SEMA3E: variants seen among roughly 807,000 people sequenced by gnomAD.
The protein encoded by SEMA3E is semaphorin 3E.
Under a neutral mutation model 93.6 loss-of-function variants are expected in SEMA3E, and 49 were observed. The ratio of observed to expected loss-of-function variants is 0.52; its 90% CI spans 0.42 to 0.66. The LOEUF is 0.66. SEMA3E is among the 30% of genes least tolerant of loss of function. The probability of loss-of-function intolerance (pLI) is 0.00; values close to 1 mark genes in which losing one functional copy is unlikely to be tolerated. For synonymous variants in SEMA3E, 363 were observed against 330.7 expected (o/e 1.10, Z -1.06); for missense variants, 906 against 964.8 (o/e 0.94, Z 0.81).
chr7:83,429,875 T>A (rs1788847476), intron 4 of SEMA3E, among the ~76,000 whole-genome samples: 1 of 152,188 alleles, frequency 6.6e-6, no homozygotes, highest in Non-Finnish European at 1.5e-5. Context: ...AAGAAAATGC[T>A]GTTTAAAAAT....
intron 1 of SEMA3E, among the ~76,000 whole-genome samples, chr7:83,615,683 A>C (rs1309109121): frequency 2.6e-5 from 4 of 152,162 alleles, no homozygotes; most frequent in Non-Finnish European, 5.9e-5. Flanking sequence ...CCTATCACCC[A>C]TACTTTCCCA....
chr7:83,394,075 T>C (rs1326726614), intron 13 of SEMA3E, among the ~76,000 whole-genome samples: 1 of 152,176 alleles, frequency 6.6e-6, no homozygotes, highest in Non-Finnish European at 1.5e-5. Context: ...TATAACACTG[T>C]ACCTATAACC....
At chr7:83,413,726 C>G (rs942341459) in intron 5 of SEMA3E, among the ~76,000 whole-genome samples, 2 of 152,066 alleles carry the variant, frequency 1.3e-5, no homozygotes, top group African/African-American at 2.4e-5. Flanking sequence ...ATGATTAGCA[C>G]TAGCTCTCAA....
chr7:83,594,602 C>T (rs1332249198), intron 1 of SEMA3E, among the ~76,000 whole-genome samples: 2 of 152,040 alleles, frequency 1.3e-5, no homozygotes, highest in African/African-American at 2.4e-5. Context: ...TCTGTCTTTG[C>T]TCCCATATTA....
At chr7:83,540,833 G>A (rs1021108934) in intron 1 of SEMA3E, among the ~76,000 whole-genome samples, 2 of 152,204 alleles carry the variant, frequency 1.3e-5, no homozygotes, top group Admixed American at 1.3e-4. Context: ...TGCATTTAAT[G>A]AGGTTATGAA....
At chr7:83,594,697 T>C (rs1211982582) in intron 1 of SEMA3E, among the ~76,000 whole-genome samples, 1 of 152,088 alleles carries the variant, frequency 6.6e-6, no homozygotes, top group African/African-American at 2.4e-5. Flanking sequence ...CTTTCTAGTA[T>C]CCGTTTCCCC....
intron 4 of SEMA3E, among the ~76,000 whole-genome samples, chr7:83,453,708 T>C (rs1789412998): frequency 1.3e-5 from 2 of 150,536 alleles, no homozygotes; most frequent in South Asian, 4.2e-4. Flanking sequence ...CATAAATGGA[T>C]CAAGAAATTG....
At chr7:83,621,204 GGC>G (rs1793549957) in intron 1 of SEMA3E, among the ~76,000 whole-genome samples, 1 of 151,976 alleles carries the variant, frequency 6.6e-6, no homozygotes, top group Admixed American at 6.6e-5. Context: ...ACAAACAACA[GGC>G]ATGCAGAGAG....
intron 1 of SEMA3E, among the ~76,000 whole-genome samples, chr7:83,629,549 G>A (rs945439697): frequency 2.0e-5 from 3 of 152,150 alleles, no homozygotes; most frequent in Non-Finnish European, 4.4e-5. Flanking sequence ...GCTACGATGG[G>A]CTCTGCCCTA....
chr7:83,592,426 T>C (rs1400553277), intron 1 of SEMA3E, among the ~76,000 whole-genome samples: 6 of 151,032 alleles, frequency 4.0e-5, no homozygotes, highest in South Asian at 4.2e-4. Context: ...GTCTTTTTGG[T>C]TTATGTAATT....
intron 1 of SEMA3E, among the ~76,000 whole-genome samples, chr7:83,586,758 T>C (rs555873278): frequency 1.3e-5 from 2 of 152,002 alleles, no homozygotes. Flanking sequence ...GTGTACAGTC[T>C]ATCATTACCC....
intron 4 of SEMA3E, among the ~76,000 whole-genome samples, chr7:83,445,551 C>T (rs1057402613): frequency 6.6e-6 from 1 of 152,062 alleles, no homozygotes; most frequent in South Asian, 2.1e-4. Context: ...AACCCCGTCC[C>T]TACTAATAAT....
At chr7:83,504,182 T>G (rs1039460532) in intron 1 of SEMA3E, among the ~76,000 whole-genome samples, 2 of 152,226 alleles carry the variant, frequency 1.3e-5, no homozygotes, top group African/African-American at 4.8e-5. Flanking sequence ...TTGAATACTT[T>G]ATCAATATCA....
intron 4 of SEMA3E, among the ~76,000 whole-genome samples, chr7:83,448,071 A>T (rs1195298969): frequency 1.3e-5 from 2 of 152,246 alleles, no homozygotes; most frequent in Non-Finnish European, 2.9e-5. Flanking sequence ...TATATTTAAA[A>T]TAATTTCCAT....
At chr7:83,629,380 C>T (rs541082700) in intron 1 of SEMA3E, among the ~76,000 whole-genome samples, 2 of 152,208 alleles carry the variant, frequency 1.3e-5, no homozygotes, top group Non-Finnish European at 2.9e-5. Flanking sequence ...CAGGCAGGAA[C>T]GTTTAAGTAC....
chr7:83,439,439 CAA>C (rs960008194), intron 4 of SEMA3E, among the ~76,000 whole-genome samples: 1 of 152,180 alleles, frequency 6.6e-6, no homozygotes, highest in African/African-American at 2.4e-5. Context: ...GGTTAATGGG[CAA>C]AGTCTTTCAT....
At position 83,512,753 on chromosome 7, in the gene SEMA3E, C is replaced by T. The variant is rs979213571; in HGVS notation, c.116-22479G>A. On this transcript the variant is annotated intron_variant, in intron 1 of 16. Transcript: ENST00000643230. ...CTGTACTTTGAATATGATGATACAA[C>T]GTATATACATTGTGCCTGTCTTAAT... Among the ~76,000 whole-genome samples, 5 of 152,006 alleles carry T rather than the reference C, an allele frequency of 3.3e-5. No homozygotes were observed. The South Asian group carries it at 6.2e-4, about 19-fold the overall frequency.
rs767287118 is a variant in SEMA3E, at chr7:83,418,495, A to G, written c.457-12T>C. The G allele has an allele frequency of 6.3e-7, 1 of 1,584,922 alleles. No individual in the cohort carries two copies. The highest frequency in any genetic ancestry group is 1.1e-5 in the South Asian group (1 of 89,202). On this transcript the variant is annotated splice_polypyrimidine_tract_variant and intron_variant, in intron 4 of 16. Coordinates refer to ENST00000643230, the MANE Select transcript of SEMA3E (RefSeq NM_012431.3). Reference sequence around the variant, plus strand: ...TGAAACAGAGGATCCTTGAAAGAAAACCAGAAAAATCATTATGAATATGCC... The same window carrying G: ...TGAAACAGAGGATCCTTGAAAGAAAGCCAGAAAAATCATTATGAATATGCC...
intron 1 of SEMA3E, among the ~76,000 whole-genome samples, chr7:83,506,504 T>C (rs1292095961): frequency 6.6e-6 from 1 of 151,568 alleles, no homozygotes; most frequent in Non-Finnish European, 1.5e-5. Context: ...GTGAGGATGG[T>C]TAATGGATAA....
Sources: gnomAD v4.1 joint callset for allele counts (sites outside exome capture counted in the v4.1 genomes callset) on GRCh38, gnomAD v4.1.1 for gene constraint, MANE v1.5 for transcripts, NCBI Gene and HGNC (gene_info 2026-07-23, HGNC 2026-07-21) for gene names.